The following SYNPO2 variants were observed in gnomAD, a reference collection of about 807,000 sequenced individuals.
SYNPO2 encodes synaptopodin 2.
In SYNPO2, 56 loss-of-function variants were observed where a neutral mutation model predicts 85.0. The observed-to-expected ratio is 0.66, with a 90% CI of 0.53 to 0.82. The LOEUF (loss-of-function observed/expected upper bound fraction) is 0.82, where lower values mean the gene tolerates loss of function less well. Among genes scored for constraint, SYNPO2 ranks in the 40% least tolerant of loss-of-function variants. The pLI is 0.00. For synonymous variants in SYNPO2, 602 were observed against 591.1 expected, an observed-to-expected ratio of 1.02 and a Z score of -0.27; for missense variants, 1,575 against 1,534.2, an observed-to-expected ratio of 1.03 and a Z score of -0.44.
intron 1 of SYNPO2, among the ~76,000 whole-genome samples, chr4:118,898,140 C>G (rs57895651): frequency 0.38 from 57,545 of 151,852 alleles, 11,290 homozygotes; most frequent in South Asian, 0.55. Flanking sequence ...CAAAAACCTT[C>G]AAGCAGCTGA....
intron 4 of SYNPO2, among the ~76,000 whole-genome samples, chr4:119,054,572 C>A (rs749793721): frequency 3.3e-5 from 5 of 152,084 alleles, no homozygotes; most frequent in African/African-American, 2.4e-5. Context: ...CCATCTCCCT[C>A]GAAGTCCAGC....
chr4:118,961,402 A>G (rs6817284), intron 1 of SYNPO2, among the ~76,000 whole-genome samples: 88,085 of 151,846 alleles, frequency 0.58, 25,734 homozygotes, highest in South Asian at 0.7. Context: ...TTCTTCAGAC[A>G]TGCTAAGCTT....
intron 1 of SYNPO2, among the ~76,000 whole-genome samples, chr4:118,895,213 A>G (rs916990920): frequency 1.6e-4 from 24 of 151,852 alleles, no homozygotes; most frequent in African/African-American, 5.8e-4. Context: ...CAACTATCTG[A>G]CTCTAAACTC....
chr4:118,946,354 C>G (rs1365676049), intron 1 of SYNPO2, among the ~76,000 whole-genome samples: 3 of 152,178 alleles, frequency 2.0e-5, no homozygotes, highest in Non-Finnish European at 4.4e-5. Context: ...AAGCAACACT[C>G]TTGACAAAAT....
At chr4:118,939,977 CTTT>C (rs111485944) in intron 1 of SYNPO2, among the ~76,000 whole-genome samples, 1 of 119,838 alleles carries the variant, frequency 8.3e-6, no homozygotes, top group Non-Finnish European at 1.7e-5. Flanking sequence ...TTTCTCTCTT[CTTT>C]TTTTTTTTTT....
intron 1 of SYNPO2, among the ~76,000 whole-genome samples, chr4:118,954,928 T>G (rs192895155): frequency 6.6e-6 from 1 of 151,990 alleles, no homozygotes; most frequent in African/African-American, 2.4e-5. Flanking sequence ...GTAAAATACA[T>G]TGCCCAAGCC....
intron 1 of SYNPO2, among the ~76,000 whole-genome samples, chr4:118,984,504 A>G (rs1736145252): frequency 6.6e-6 from 1 of 152,198 alleles, no homozygotes; most frequent in African/African-American, 2.4e-5. Context: ...CTCTGCTTTC[A>G]GTCTGCCCTC....
intron 1 of SYNPO2, among the ~76,000 whole-genome samples, chr4:118,977,346 C>A (rs541387189): frequency 6.6e-5 from 10 of 152,354 alleles, no homozygotes; most frequent in African/African-American, 2.4e-4. Context: ...GCTCCGAGTG[C>A]GGGGCCTGCC....
intron 1 of SYNPO2, among the ~76,000 whole-genome samples, chr4:118,963,678 A>G (rs571841047): frequency 3.9e-5 from 6 of 152,232 alleles, no homozygotes; most frequent in Non-Finnish European, 8.8e-5. Flanking sequence ...CCAGTTGATC[A>G]AATTCTCAGG....
chr4:118,949,958 C>T (rs2149141977), intron 1 of SYNPO2, among the ~76,000 whole-genome samples: 1 of 152,114 alleles, frequency 6.6e-6, no homozygotes, highest in East Asian at 1.9e-4. Flanking sequence ...CTTTATGAAG[C>T]TTACAAAAAA....
chr4:119,033,998 G>C (rs994015746), intron 4 of SYNPO2: 1 of 985,272 alleles, frequency 1.0e-6, no homozygotes, highest in African/African-American at 1.7e-5. Flanking sequence ...TTTACCTAGA[G>C]GTTACAACCA....
intron 1 of SYNPO2, among the ~76,000 whole-genome samples, chr4:118,910,239 C>T (rs948051047): frequency 6.6e-6 from 1 of 152,216 alleles, no homozygotes; most frequent in African/African-American, 2.4e-5. Context: ...TGACTTGTAG[C>T]CTCCTTGTGA....
At chr4:118,876,701 CT>C (rs1453672628) in intron 1 of SYNPO2, among the ~76,000 whole-genome samples, 1 of 118,444 alleles carries the variant, frequency 8.4e-6, no homozygotes, top group Admixed American at 9.2e-5. Context: ...TTCTTTCTTT[CT>C]TTCTTTCTTT....
chr4:118,967,800 C>T (rs1735372143), intron 1 of SYNPO2, among the ~76,000 whole-genome samples: 1 of 151,604 alleles, frequency 6.6e-6, no homozygotes, highest in Admixed American at 6.6e-5. Context: ...AGATTCTCTC[C>T]AGAAGGTGTT....
At chr4:119,038,480 T>C (rs1306201473) in intron 4 of SYNPO2, 1 of 985,266 alleles carries the variant, frequency 1.0e-6, no homozygotes, top group Admixed American at 6.2e-5. Context: ...GGGAAGAATG[T>C]GATTTTTAAA....
chr4:119,035,194 C>T (rs780305541), intron 4 of SYNPO2: 7 of 985,248 alleles, frequency 7.1e-6, no homozygotes, highest in African/African-American at 3.5e-5. Flanking sequence ...TTAAACATTT[C>T]TCTTTCCACA....
chr4:118,937,351 C>G (rs551842204), intron 1 of SYNPO2, among the ~76,000 whole-genome samples: 1 of 152,290 alleles, frequency 6.6e-6, no homozygotes, highest in African/African-American at 2.4e-5. Flanking sequence ...TTGAAACACT[C>G]CCGGTCTCTT....
chr4:118,850,926 G>A (rs1266703071), exon 1 of SYNPO2: 2 of 398,506 alleles, frequency 5.0e-6, no homozygotes, highest in African/African-American at 2.1e-5. Flanking sequence ...TGAGACAAGA[G>A]GAATGGTTAC....
intron 1 of SYNPO2, among the ~76,000 whole-genome samples, chr4:118,951,895 A>G (rs1734712569): frequency 6.6e-6 from 1 of 152,186 alleles, no homozygotes; most frequent in African/African-American, 2.4e-5. Flanking sequence ...ACTTTTTAAT[A>G]TTTCATCCCA....
Sources: allele counts gnomAD v4.1 joint callset (sites outside exome capture counted in the v4.1 genomes callset), GRCh38; gene constraint gnomAD v4.1.1; transcripts MANE v1.5; gene names NCBI Gene and HGNC (gene_info 2026-07-23, HGNC 2026-07-21).